SYN3: variants seen among roughly 807,000 people sequenced by gnomAD.
The protein encoded by SYN3 is synapsin III.
Under a neutral mutation model 65.8 loss-of-function variants are expected in SYN3, and 35 were observed. The observed-to-expected ratio is 0.53, with a 90% confidence interval of 0.41 to 0.70. The LOEUF is 0.70. Among genes scored for constraint, SYN3 ranks in the 30% least tolerant of loss-of-function variants. The probability of loss-of-function intolerance (pLI) is 0.00; values close to 1 mark genes in which losing one functional copy is unlikely to be tolerated. For missense variants in SYN3, 680 were observed against 749.0 expected (o/e 0.91, Z 1.08); for synonymous variants, 270 against 292.9 (o/e 0.92, Z 0.80).
At chr22:32,829,177 T>C (rs900459968) in intron 6 of SYN3, among the ~76,000 whole-genome samples, 3 of 152,152 alleles carry the variant, frequency 2.0e-5, no homozygotes, top group Admixed American at 1.3e-4. Flanking sequence ...CCCCATCCCA[T>C]TGCCGGCTTT....
intron 6 of SYN3, among the ~76,000 whole-genome samples, chr22:32,616,617 C>T (rs2059524128): frequency 6.6e-6 from 1 of 151,768 alleles, no homozygotes; most frequent in Admixed American, 6.6e-5. Context: ...AGAATCCATG[C>T]TTGGGGACCA....
At chr22:32,735,676 G>A (rs1182748651) in intron 6 of SYN3, among the ~76,000 whole-genome samples, 1 of 152,160 alleles carries the variant, frequency 6.6e-6, no homozygotes, top group Non-Finnish European at 1.5e-5. Flanking sequence ...TGACTGCCCT[G>A]AGGCCTCCCA....
chr22:32,706,455 C>G (rs372631801), intron 6 of SYN3, among the ~76,000 whole-genome samples: 9 of 152,064 alleles, frequency 5.9e-5, no homozygotes, highest in Non-Finnish European at 8.8e-5. Flanking sequence ...GAATTCTGCA[C>G]GCAACAAAAA....
At chr22:32,821,515 C>G (rs954887260) in intron 6 of SYN3, among the ~76,000 whole-genome samples, 2 of 152,144 alleles carry the variant, frequency 1.3e-5, no homozygotes, top group African/African-American at 4.8e-5. Flanking sequence ...AGGTGAATGA[C>G]CTGGTTAACA....
At chr22:32,872,385 T>C (rs1012469896) in intron 4 of SYN3, among the ~76,000 whole-genome samples, 2 of 152,112 alleles carry the variant, frequency 1.3e-5, no homozygotes, top group Non-Finnish European at 2.9e-5. Flanking sequence ...ACTAGACTGA[T>C]AGACATAGTA....
intron 1 of SYN3, among the ~76,000 whole-genome samples, chr22:33,028,530 T>C (rs1186053017): frequency 4.6e-5 from 7 of 152,166 alleles, no homozygotes; most frequent in Non-Finnish European, 1.0e-4. Flanking sequence ...ATTTATAGCC[T>C]GTAATTTCCA....
In SYN3 at chr22:32,765,457, C is replaced by A. The variant is rs145731622; in HGVS notation, c.711+99458G>T. ...ATTTTCCTCTCTGGTAACCACAGAA[C>A]AAGGTGGCTGAGGATTCCTGATAGG... On this transcript the variant is annotated intron_variant, in intron 6 of 13. Coordinates refer to ENST00000358763, the MANE Select transcript of SYN3 (RefSeq NM_003490.4). Among the ~76,000 whole-genome samples, 422 of 152,230 alleles carry A rather than the reference C, an allele frequency of 2.8e-3. 3 individuals are homozygous for A. Among genetic ancestry groups the A allele is most frequent in the African/African-American group, 9.8e-3 (408 of 41,536 alleles).
At chr22:32,582,742 G>A (rs959726778) in intron 7 of SYN3, among the ~76,000 whole-genome samples, 1 of 152,090 alleles carries the variant, frequency 6.6e-6, no homozygotes, top group Non-Finnish European at 1.5e-5. Context: ...CTTCCATAGG[G>A]CACACTGAGC....
chr22:32,893,494 C>A (rs2049507067), intron 4 of SYN3, among the ~76,000 whole-genome samples: 1 of 152,092 alleles, frequency 6.6e-6, no homozygotes, highest in African/African-American at 2.4e-5. Context: ...AGGAGTCAAC[C>A]CTTCAGTAGA....
intron 6 of SYN3, among the ~76,000 whole-genome samples, chr22:32,686,753 G>A (rs1458000141): frequency 7.3e-5 from 11 of 151,614 alleles, no homozygotes; most frequent in African/African-American, 2.2e-4. Context: ...CCACCACCAC[G>A]TCCATCTAAT....
At chr22:32,972,747 C>T (rs1345413930) in intron 3 of SYN3, among the ~76,000 whole-genome samples, 2 of 152,086 alleles carry the variant, frequency 1.3e-5, no homozygotes, top group Non-Finnish European at 2.9e-5. Context: ...AATCCCAGCA[C>T]TTTGGGAGGC....
chr22:32,668,152 C>T (rs2060315945), intron 6 of SYN3, among the ~76,000 whole-genome samples: 1 of 152,146 alleles, frequency 6.6e-6, no homozygotes, highest in Admixed American at 6.6e-5. Flanking sequence ...ACACTTTTAC[C>T]ACAAGGAGTG....
chr22:32,790,843 C>T (rs1179108573), intron 6 of SYN3, among the ~76,000 whole-genome samples: 1 of 152,172 alleles, frequency 6.6e-6, no homozygotes, highest in Non-Finnish European at 1.5e-5. Context: ...GTCTCTAGAA[C>T]CTTGCTCTTC....
At chr22:32,941,470 G>A (rs2050936172) in intron 3 of SYN3, among the ~76,000 whole-genome samples, 1 of 152,182 alleles carries the variant, frequency 6.6e-6, no homozygotes, top group African/African-American at 2.4e-5. Context: ...TCCCGGGCCG[G>A]TTCCAAGATG....
intron 6 of SYN3, among the ~76,000 whole-genome samples, chr22:32,689,595 CA>C (rs1200833961): frequency 6.6e-6 from 1 of 152,136 alleles, no homozygotes; most frequent in Non-Finnish European, 1.5e-5. Context: ...TCCTAAATGA[CA>C]AAAGTTACAG....
chr22:33,031,761 C>A (rs1433409099), intron 1 of SYN3, among the ~76,000 whole-genome samples: 1 of 152,070 alleles, frequency 6.6e-6, no homozygotes, highest in Non-Finnish European at 1.5e-5. Context: ...CCTAAGCCCC[C>A]AAGCAACTGG....
chr22:32,879,005 T>A (rs957690230), intron 4 of SYN3, among the ~76,000 whole-genome samples: 2 of 152,080 alleles, frequency 1.3e-5, no homozygotes, highest in African/African-American at 2.4e-5. Flanking sequence ...ACTTAAAAAA[T>A]TTTTGAAAAT....
chr22:32,815,632 T>C (rs1031957972), intron 6 of SYN3, among the ~76,000 whole-genome samples: 1 of 152,210 alleles, frequency 6.6e-6, no homozygotes, highest in African/African-American at 2.4e-5. Context: ...TATACATATA[T>C]ACATGTAATA....
In SYN3 at chr22:32,837,342, C is replaced by G. The variant is rs910332346; in HGVS notation, c.711+27573G>C. On this transcript the variant is annotated intron_variant, in intron 6 of 13. Coordinates refer to ENST00000358763, the MANE Select transcript of SYN3 (RefSeq NM_003490.4). The surrounding 1 kb of genome is among the most constrained non-coding windows in gnomAD (Gnocchi z 4.1). Reference sequence around the variant, plus strand: ...GGGATAGGGGGTGGTCTCAGCCCCCCTCACCGAGTGCACTTGCATGGCAGT... The same window carrying G: ...GGGATAGGGGGTGGTCTCAGCCCCCGTCACCGAGTGCACTTGCATGGCAGT... 6.6e-6 allele frequency among the ~76,000 whole-genome samples: 1 copy of G among 152,170 alleles called. No individual in the cohort carries two copies. Among genetic ancestry groups the G allele is most frequent in the Non-Finnish European group, 1.5e-5 (1 of 68,048 alleles).
Sources: gnomAD v4.1 joint callset for allele counts (sites outside exome capture counted in the v4.1 genomes callset) on GRCh38, gnomAD v4.1.1 for gene constraint, Gnocchi (gnomAD v3.1) non-coding constraint, MANE v1.5 for transcripts, NCBI Gene and HGNC (gene_info 2026-07-23, HGNC 2026-07-21) for gene names.